Variants in BTG4 observed in about 807,000 individuals in gnomAD.
The protein encoded by BTG4 is BTG anti-proliferation factor 4.
Under a neutral mutation model 19.3 loss-of-function variants are expected in BTG4, and 10 were observed. The observed-to-expected ratio is 0.52, with a 90% CI of 0.32 to 0.88. The LOEUF is 0.88. BTG4 is among the 40% of genes least tolerant of loss of function. BTG4 has a pLI of 0.04. For missense variants in BTG4, 238 were observed against 281.9 expected, an observed-to-expected ratio of 0.84 and a Z score of 1.11; for synonymous variants, 91 against 95.7, an observed-to-expected ratio of 0.95 and a Z score of 0.29.
chr11:111,501,091 G>A (rs1866046779), intron 1 of BTG4, among the ~76,000 whole-genome samples: 1 of 151,898 alleles, frequency 6.6e-6, no homozygotes, highest in Non-Finnish European at 1.5e-5. Context: ...TTCTTGAGCT[G>A]GGCAGATGGC....
chr11:111,498,894 T>A, intron 1 of BTG4, 92 bp from the exon 2 acceptor site: 1 of 866,146 alleles, frequency 1.2e-6, no homozygotes, highest in Non-Finnish European at 1.7e-6. Flanking sequence ...TTACATACCT[T>A]AAAGTTAAAA....
chr11:111,513,238 G>C (rs1867080234), upstream of BTG4, among the ~76,000 whole-genome samples: 1 of 152,210 alleles, frequency 6.6e-6, no homozygotes, highest in Admixed American at 6.5e-5. Context: ...CTCATGCCAG[G>C]AAAGCAAAAT....
downstream of BTG4, among the ~76,000 whole-genome samples, chr11:111,465,754 T>G (rs1264193386): frequency 1.3e-5 from 2 of 152,168 alleles, no homozygotes; most frequent in African/African-American, 4.8e-5. Context: ...GATCACTTGC[T>G]TTTCTGGACC....
the BTG4 span, among the ~76,000 whole-genome samples, chr11:111,422,857 G>A: frequency 9.8e-5 from 15 of 152,330 alleles, no homozygotes; most frequent in African/African-American, 3.4e-4. Context: ...TGTGGGTGGA[G>A]AGGGAGGGCA....
the BTG4 span, among the ~76,000 whole-genome samples, chr11:111,426,948 A>G: frequency 6.6e-6 from 1 of 152,202 alleles, no homozygotes; most frequent in African/African-American, 2.4e-5. Context: ...CTTTGCAAAC[A>G]CAATTGATTT....
chr11:111,397,423 AT>A, the BTG4 span, among the ~76,000 whole-genome samples: 9 of 152,056 alleles, frequency 5.9e-5, no homozygotes, highest in Admixed American at 5.2e-4. Context: ...AGTTCTTAAA[AT>A]TTCCACACCA....
the BTG4 span, among the ~76,000 whole-genome samples, chr11:111,423,505 T>C: frequency 6.6e-6 from 1 of 152,148 alleles, no homozygotes; most frequent in African/African-American, 2.4e-5. Flanking sequence ...AACCATTCAG[T>C]TAAGCATTCC....
the BTG4 span, among the ~76,000 whole-genome samples, chr11:111,395,734 C>A: frequency 6.6e-6 from 1 of 152,170 alleles, no homozygotes; most frequent in African/African-American, 2.4e-5. Flanking sequence ...TGGGGTCTTC[C>A]CACTCCTTTG....
At chr11:111,411,758 T>A in the BTG4 span, among the ~76,000 whole-genome samples, 1 of 152,334 alleles carries the variant, frequency 6.6e-6, no homozygotes, top group East Asian at 1.9e-4. Flanking sequence ...TTTGTTTATG[T>A]CTGTCTCCTC....
intron 5 of BTG4, among the ~76,000 whole-genome samples, chr11:111,484,765 A>G (rs1354581926): frequency 6.6e-6 from 1 of 152,196 alleles, no homozygotes; most frequent in Admixed American, 6.6e-5. Context: ...AAATGGCAGT[A>G]GTAAGTTCTT....
chr11:111,474,402 C>A (rs186409651), intron 5 of BTG4, among the ~76,000 whole-genome samples: 1 of 152,084 alleles, frequency 6.6e-6, no homozygotes, highest in Non-Finnish European at 1.5e-5. Context: ...CAATAGTTTT[C>A]GCTTATTCAT....
downstream of BTG4, among the ~76,000 whole-genome samples, chr11:111,466,186 G>C (rs896733676): frequency 1.3e-5 from 2 of 151,934 alleles, no homozygotes; most frequent in African/African-American, 4.8e-5. Context: ...ACTTTCTTGG[G>C]GTCTTATAGA....
intron 1 of BTG4, among the ~76,000 whole-genome samples, chr11:111,509,574 T>C (rs1161036695): frequency 6.6e-6 from 1 of 151,756 alleles, no homozygotes; most frequent in Non-Finnish European, 1.5e-5. Flanking sequence ...TGGGCGCCTG[T>C]AATCCCAGCT....
At chr11:111,470,686 G>T (rs186763235) in intron 5 of BTG4, among the ~76,000 whole-genome samples, 1 of 152,144 alleles carries the variant, frequency 6.6e-6, no homozygotes, top group African/African-American at 2.4e-5. Context: ...GGAGGCCGAG[G>T]CAGAAAGATC....
At chr11:111,393,644 CA>C in the BTG4 span, among the ~76,000 whole-genome samples, 1 of 152,152 alleles carries the variant, frequency 6.6e-6, no homozygotes, top group African/African-American at 2.4e-5. Flanking sequence ...GTTACTAAAG[CA>C]AAACCAGAGT....
At chr11:111,394,946 T>C in the BTG4 span, among the ~76,000 whole-genome samples, 2 of 152,310 alleles carry the variant, frequency 1.3e-5, no homozygotes, top group South Asian at 4.1e-4. Context: ...GTCATATCCA[T>C]GAGTCCTCTC....
downstream of BTG4, among the ~76,000 whole-genome samples, chr11:111,462,641 G>A (rs986814073): frequency 6.6e-6 from 1 of 152,240 alleles, no homozygotes; most frequent in Non-Finnish European, 1.5e-5. Flanking sequence ...CCTGGTGGTG[G>A]TCGCTGCCAT....
chr11:111,475,361 T>C (rs779170201), intron 5 of BTG4: 4 of 152,182 alleles, frequency 2.6e-5, no homozygotes, highest in Admixed American at 1.3e-4. Flanking sequence ...TATTAAAATA[T>C]GTATTAAAGA....
chr11:111,425,119 A>G, the BTG4 span, among the ~76,000 whole-genome samples: 2 of 152,170 alleles, frequency 1.3e-5, no homozygotes, highest in African/African-American at 4.8e-5. Context: ...GAAAATGGGT[A>G]GGTGTGGAAC....
Sources: allele counts gnomAD v4.1 joint callset (sites outside exome capture counted in the v4.1 genomes callset), GRCh38; gene constraint gnomAD v4.1.1; transcripts MANE v1.5; gene names NCBI Gene and HGNC (gene_info 2026-07-23, HGNC 2026-07-21).